The following ADAMTS12 variants were observed in gnomAD, a reference collection of about 807,000 sequenced individuals.
The protein encoded by ADAMTS12 is ADAM metallopeptidase with thrombospondin type 1 motif 12, also known as A disintegrin and metalloproteinase with thrombospondin motifs 12.
A neutral mutation model predicts 167.8 loss-of-function variants in ADAMTS12; 118 were observed. The ratio of observed to expected loss-of-function variants is 0.70; its 90% confidence interval spans 0.61 to 0.82. ADAMTS12 has a LOEUF of 0.82. Among genes scored for constraint, ADAMTS12 ranks in the 40% least tolerant of loss-of-function variants. The pLI is 0.00. For synonymous variants in ADAMTS12, 704 were observed against 716.9 expected, an observed-to-expected ratio of 0.98 and a Z score of 0.29; for missense variants, 1,916 against 1,998.8, an observed-to-expected ratio of 0.96 and a Z score of 0.79.
At chr5:33,777,330 A>G (rs1009027009) in intron 2 of ADAMTS12, among the ~76,000 whole-genome samples, 1 of 152,164 alleles carries the variant, frequency 6.6e-6, no homozygotes, top group Non-Finnish European at 1.5e-5. Flanking sequence ...ATCATGCAAC[A>G]TAATCAAGTA....
rs1746273835 is a variant in ADAMTS12 at position 33,622,548 on chromosome 5, G to A, written c.2143+1683C>T. 3.9e-5 allele frequency among the ~76,000 whole-genome samples: 6 copies of A among 152,252 alleles called. No individual in the cohort carries two copies. The South Asian group carries it at 1.2e-3, about 32-fold the overall frequency. ...GTGCACCTGTAGTCCCAGCTACTCG[G>A]GAGGCTGAGGCAGAAGAATTGCTTG... On this transcript the variant is annotated intron_variant, in intron 14 of 23. Coordinates refer to ENST00000504830, the MANE Select transcript of ADAMTS12 (RefSeq NM_030955.4).
At chr5:33,575,974 C>T (rs1723716622) in intron 19 of ADAMTS12, 80 bp downstream of exon 19, 7 of 1,519,352 alleles carry the variant, frequency 4.6e-6, no homozygotes, top group South Asian at 2.7e-5. Flanking sequence ...AATGCAAACT[C>T]ATTTTGAAAT....
At chr5:33,639,780 T>G (rs1362505532) in intron 11 of ADAMTS12, among the ~76,000 whole-genome samples, 1 of 152,198 alleles carries the variant, frequency 6.6e-6, no homozygotes, top group Non-Finnish European at 1.5e-5. Context: ...CTGTAATTCT[T>G]GTTGATTCTG....
At chr5:33,815,116 A>G (rs1747599194) in intron 2 of ADAMTS12, among the ~76,000 whole-genome samples, 1 of 152,210 alleles carries the variant, frequency 6.6e-6, no homozygotes, top group Non-Finnish European at 1.5e-5. Flanking sequence ...GAAATTAACA[A>G]TGCAGGAAAA....
chr5:33,588,224 G>A (rs1267901389), intron 18 of ADAMTS12, among the ~76,000 whole-genome samples: 2 of 152,206 alleles, frequency 1.3e-5, no homozygotes, highest in African/African-American at 4.8e-5. Flanking sequence ...TAACTACAGT[G>A]ATGTGCAGTC....
At chr5:33,673,939 C>A (rs949937729) in intron 5 of ADAMTS12, among the ~76,000 whole-genome samples, 1 of 152,188 alleles carries the variant, frequency 6.6e-6, no homozygotes, top group Non-Finnish European at 1.5e-5. Context: ...TCCCTGCCCC[C>A]TAGTCTGGTT....
At chr5:33,548,191 T>A (rs1745075773) in intron 21 of ADAMTS12, among the ~76,000 whole-genome samples, 1 of 152,216 alleles carries the variant, frequency 6.6e-6, no homozygotes, top group Admixed American at 6.5e-5. Flanking sequence ...AGTTATTGAT[T>A]CATTCTTTCT....
At chr5:33,600,356 C>T (rs938859118) in intron 16 of ADAMTS12, among the ~76,000 whole-genome samples, 17 of 151,916 alleles carry the variant, frequency 1.1e-4, no homozygotes, top group African/African-American at 4.1e-4. Flanking sequence ...AATTATGCCT[C>T]GATATAAGGA....
chr5:33,623,868 C>T (rs1185535156), intron 14 of ADAMTS12, among the ~76,000 whole-genome samples: 1 of 152,216 alleles, frequency 6.6e-6, no homozygotes, highest in Admixed American at 6.5e-5. Context: ...CTTCTCTCCC[C>T]TAGTTCTTGG....
At chr5:33,802,754 A>T (rs1747059489) in intron 2 of ADAMTS12, among the ~76,000 whole-genome samples, 1 of 152,178 alleles carries the variant, frequency 6.6e-6, no homozygotes, top group African/African-American at 2.4e-5. Context: ...ATTCTTGGAC[A>T]TCCTTTCAAG....
intron 2 of ADAMTS12, among the ~76,000 whole-genome samples, chr5:33,794,264 G>A (rs1228591863): frequency 6.6e-6 from 1 of 152,200 alleles, no homozygotes; most frequent in African/African-American, 2.4e-5. Context: ...GGCACTCACA[G>A]TATTTGGGGT....
chr5:33,700,654 T>C (rs908109366), intron 3 of ADAMTS12, among the ~76,000 whole-genome samples: 1 of 152,108 alleles, frequency 6.6e-6, no homozygotes, highest in African/African-American at 2.4e-5. Flanking sequence ...GATAAAACCA[T>C]ACAGAACTAA....
At chr5:33,528,810 G>A (rs1247006356) in intron 23 of ADAMTS12, among the ~76,000 whole-genome samples, 1 of 152,202 alleles carries the variant, frequency 6.6e-6, no homozygotes, top group Non-Finnish European at 1.5e-5. Context: ...ACTTTGGGAG[G>A]CTGACGTGGG....
chr5:33,807,681 C>A (rs1377076331), intron 2 of ADAMTS12, among the ~76,000 whole-genome samples: 1 of 152,032 alleles, frequency 6.6e-6, no homozygotes, highest in Non-Finnish European at 1.5e-5. Context: ...ATTAATTCAC[C>A]CAGAAATATG....
rs1257231512 is a variant in ADAMTS12 at position 33,525,677 on chromosome 5, T to C, written c.*1511A>G. 3 of 152,178 alleles carry C rather than the reference T, an allele frequency of 2.0e-5. No homozygotes were observed. The highest frequency in any genetic ancestry group is 6.5e-5 in the Admixed American group (1 of 15,276). 9.4% of individuals were successfully genotyped at this position (152,178 alleles called of 1,614,324 possible). On this transcript the variant is annotated 3_prime_UTR_variant, in exon 24 of 24. Transcript: ENST00000504830. The stretch of plus-strand genomic sequence containing the variant: ...GATAGGTAAAGGGAGACGTGGGATA[T>C]TGTGTTCCATGAGGAGTATTAAGTG...
chr5:33,859,602 C>T (rs1028147362), intron 2 of ADAMTS12, among the ~76,000 whole-genome samples: 1 of 152,216 alleles, frequency 6.6e-6, no homozygotes, highest in African/African-American at 2.4e-5. Context: ...CTTAAACATT[C>T]CTGCCTGCTG....
At chr5:33,842,440 T>C (rs1485050377) in intron 2 of ADAMTS12, among the ~76,000 whole-genome samples, 5 of 152,174 alleles carry the variant, frequency 3.3e-5, no homozygotes, top group African/African-American at 4.8e-5. Flanking sequence ...ATCCTCAAGG[T>C]TGCAGCTTTC....
intron 7 of ADAMTS12, among the ~76,000 whole-genome samples, chr5:33,651,414 TA>T (rs1441966537): frequency 6.6e-6 from 1 of 152,234 alleles, no homozygotes; most frequent in Non-Finnish European, 1.5e-5. Context: ...TCTTTTGCAT[TA>T]TACACAATCA....
At chr5:33,620,733 C>T (rs1739280112) in intron 14 of ADAMTS12, among the ~76,000 whole-genome samples, 1 of 152,130 alleles carries the variant, frequency 6.6e-6, no homozygotes, top group African/African-American at 2.4e-5. Context: ...CTAATATCTA[C>T]ATATATTTTA....
Sources: gnomAD v4.1 joint callset for allele counts (sites outside exome capture counted in the v4.1 genomes callset) on GRCh38, gnomAD v4.1.1 for gene constraint, MANE v1.5 for transcripts, NCBI Gene and HGNC (gene_info 2026-07-23, HGNC 2026-07-21) for gene names.